Variants in NUP210 observed in about 807,000 individuals in gnomAD.
NUP210 encodes the protein nucleoporin 210.
In NUP210, 151 loss-of-function variants were observed where a neutral mutation model predicts 196.0. That is an observed-to-expected ratio of 0.77 (90% CI 0.67 to 0.88). The LOEUF (loss-of-function observed/expected upper bound fraction) is 0.88, where lower values mean the gene tolerates loss of function less well. NUP210 is among the 40% of genes least tolerant of loss of function. The pLI, the probability that NUP210 is intolerant of heterozygous loss-of-function variation, is 0.00. For missense variants in NUP210, 2,314 were observed against 2,493.7 expected (o/e 0.93, Z 1.53); for synonymous variants, 1,070 against 1,052.7 (o/e 1.02, Z -0.32).
Position 13,340,281 on chromosome 3 carries a change from C to T in NUP210, c.3246G>A (p.Arg1082=), listed in dbSNP as rs1252916051. ...GCAGTGTCACCTTCCTGGGCATCAG[C>T]CTGAACGGGGGAAAGACCTGTTGAG... The part of the protein sequence containing the change: ...PQQIEVFPPF[R]LMPRKVTLLI... Residue 1082 remains arginine, a synonymous_variant, in exon 24 of 40, where the codon AGG becomes AGA. Coordinates refer to ENST00000254508, the MANE Select transcript of NUP210 (RefSeq NM_024923.4). This position sits in a 1 kb window ranked among gnomAD's most constrained non-coding sequence, Gnocchi z 4.0. The T allele has an allele frequency of 6.2e-7, 1 of 1,613,348 alleles. No individual in the cohort carries two copies. The highest frequency in any genetic ancestry group is 1.3e-5 in the African/African-American group (1 of 74,940).
At chr3:13,364,183 C>T (rs1335396799) in intron 14 of NUP210, among the ~76,000 whole-genome samples, 2 of 152,172 alleles carry the variant, frequency 1.3e-5, no homozygotes, top group Non-Finnish European at 2.9e-5. Flanking sequence ...ATGGTCATCT[C>T]TACCTCTCTT....
At chr3:13,400,083 A>G (rs1699786230) in intron 1 of NUP210, among the ~76,000 whole-genome samples, 1 of 152,184 alleles carries the variant, frequency 6.6e-6, no homozygotes, top group African/African-American at 2.4e-5. Context: ...AGGCCTGTGC[A>G]CACAGTTCCC....
At chr3:13,359,140 T>C (rs1698287098) in intron 15 of NUP210, among the ~76,000 whole-genome samples, 1 of 152,096 alleles carries the variant, frequency 6.6e-6, no homozygotes, top group Non-Finnish European at 1.5e-5. Flanking sequence ...AAGGGCAGTG[T>C]CCTCCGTGAC....
At chr3:13,402,729 GATTA>G (rs1699880232) in intron 1 of NUP210, among the ~76,000 whole-genome samples, 3 of 152,144 alleles carry the variant, frequency 2.0e-5, no homozygotes, top group African/African-American at 7.2e-5. Flanking sequence ...TAACAGGTGA[GATTA>G]ATTTTTAATA....
At chr3:13,380,756 A>G (rs1559337832) in intron 6 of NUP210, among the ~76,000 whole-genome samples, 1 of 152,090 alleles carries the variant, frequency 6.6e-6, no homozygotes, top group African/African-American at 2.4e-5. Flanking sequence ...CCAGGTCAGG[A>G]CTCCCAGAGG....
rs1697858668 is a variant in NUP210, at chr3:13,348,922, T to C, written c.2835+2957A>G. 4.1e-6 allele frequency: 4 copies of C among 983,912 alleles called. No individual in the cohort carries two copies. The African/African-American group carries it at 5.2e-5, about 13-fold the overall frequency. The allele number at this position is 983,912 out of a possible 1,614,324, so 60.9% of individuals were successfully genotyped here. A position where few individuals can be genotyped will look rare whatever the true frequency, so the allele number is the denominator to read the frequency against. The stretch of plus-strand genomic sequence containing the variant: ...ATTAAAAAACTTATTAAACAGGGGG[T>C]GTTTCACACAAAAATAGAGATCTCT... On this transcript the variant is annotated intron_variant, in intron 20 of 39. Coordinates refer to ENST00000254508, the MANE Select transcript of NUP210 (RefSeq NM_024923.4). The surrounding 1 kb of genome is among the most constrained non-coding windows in gnomAD (Gnocchi z 4.0).
At chr3:13,334,509 C>G (rs1166280745) in intron 28 of NUP210, among the ~76,000 whole-genome samples, 1 of 152,088 alleles carries the variant, frequency 6.6e-6, no homozygotes, top group Non-Finnish European at 1.5e-5. Flanking sequence ...GAAAAGTTTG[C>G]TTCTTTGCCC....
intron 1 of NUP210, among the ~76,000 whole-genome samples, chr3:13,407,124 G>A (rs1221926372): frequency 6.6e-6 from 1 of 152,150 alleles, no homozygotes; most frequent in East Asian, 1.9e-4. Flanking sequence ...ACAAAGCACT[G>A]GGCTGGGATA....
intron 13 of NUP210, among the ~76,000 whole-genome samples, chr3:13,366,470 G>A (rs1428655324): frequency 1.3e-5 from 2 of 151,720 alleles, no homozygotes; most frequent in Non-Finnish European, 2.9e-5. Context: ...AACAGGCTGG[G>A]GGCCCCCTCT....
In NUP210 at chr3:13,332,281, T is replaced by G. The variant is rs1421621785; in HGVS notation, c.3935+12A>C. ...GCACAACTTTGCTGGAAACAAGAGC[T>G]GAGTCACGTACCTGTTTGTCTGCAG... On this transcript the variant is annotated intron_variant, in intron 29 of 39. Coordinates refer to ENST00000254508, the MANE Select transcript of NUP210 (RefSeq NM_024923.4). The G allele has an allele frequency of 6.2e-7, 1 of 1,607,512 alleles. No homozygotes were observed. Among genetic ancestry groups the G allele is most frequent in the Non-Finnish European group, 8.5e-7 (1 of 1,174,058 alleles).
chr3:13,320,096 C>G (rs576331196), intron 36 of NUP210, 117 bp from the exon 37 acceptor site: 12 of 894,974 alleles, frequency 1.3e-5, no homozygotes, highest in Non-Finnish European at 2.1e-5. Context: ...TGGAAGCACC[C>G]CCGCTTCAGC....
chr3:13,402,547 C>T (rs1699874620), intron 1 of NUP210, among the ~76,000 whole-genome samples: 1 of 152,122 alleles, frequency 6.6e-6, no homozygotes, highest in Non-Finnish European at 1.5e-5. Flanking sequence ...CAAGCTCTTC[C>T]CTGGGCTGCC....
At chr3:13,345,944 C>G (rs986444929) in intron 20 of NUP210, among the ~76,000 whole-genome samples, 1 of 152,238 alleles carries the variant, frequency 6.6e-6, no homozygotes, top group Non-Finnish European at 1.5e-5. Flanking sequence ...GTGGGCAGGT[C>G]CTTCACAATG....
intron 20 of NUP210, chr3:13,344,850 C>T (rs1429784989): frequency 2.3e-6 from 2 of 874,712 alleles, no homozygotes; most frequent in African/African-American, 3.6e-5. Flanking sequence ...GACTCTTTCC[C>T]CAGCCTCCAC....
At chr3:13,346,896 G>A (rs1697755012) in intron 20 of NUP210, among the ~76,000 whole-genome samples, 2 of 152,224 alleles carry the variant, frequency 1.3e-5, no homozygotes, top group South Asian at 2.1e-4. Flanking sequence ...CACAGGCACT[G>A]AGTGGGGCCC....
In NUP210 at chr3:13,348,064, C is replaced by G. The variant is rs1023477660; in HGVS notation, c.2835+3815G>C. ...TGCCTGCAATGGGCACTCTGTGCCA[C>G]TCAACCAGGCCAGCGGCCATTCCAC... is the stretch of plus-strand genomic sequence containing the variant. On this transcript the variant is annotated intron_variant, in intron 20 of 39. Transcript: ENST00000254508. This position sits in a 1 kb window ranked among gnomAD's most constrained non-coding sequence, Gnocchi z 4.0. 6.6e-6 allele frequency among the ~76,000 whole-genome samples: 1 copy of G among 152,260 alleles called. No homozygotes were observed. Among genetic ancestry groups the G allele is most frequent in the Non-Finnish European group, 1.5e-5 (1 of 68,048 alleles).
At chr3:13,416,799 T>G (rs1209192638) in intron 1 of NUP210, among the ~76,000 whole-genome samples, 1 of 152,076 alleles carries the variant, frequency 6.6e-6, no homozygotes, top group Admixed American at 6.6e-5. Flanking sequence ...GGGGAGGAGG[T>G]TCCCGAGGTG....
chr3:13,415,892 G>A (rs971438922), intron 1 of NUP210, among the ~76,000 whole-genome samples: 3 of 152,196 alleles, frequency 2.0e-5, no homozygotes, highest in Non-Finnish European at 2.9e-5. Context: ...GAAGGCCTGT[G>A]AGGGGATTTG....
intron 1 of NUP210, among the ~76,000 whole-genome samples, chr3:13,413,096 C>A (rs960738582): frequency 1.3e-5 from 2 of 152,096 alleles, no homozygotes; most frequent in Admixed American, 1.3e-4. Context: ...GAAACCCCGT[C>A]TCTACTAAAA....
Sources: allele counts gnomAD v4.1 joint callset (sites outside exome capture counted in the v4.1 genomes callset), GRCh38; gene constraint gnomAD v4.1.1; non-coding constraint Gnocchi (gnomAD v3.1); transcripts MANE v1.5; gene names NCBI Gene and HGNC (gene_info 2026-07-23, HGNC 2026-07-21).